LRRTM4: variants seen among roughly 807,000 people sequenced by gnomAD.
LRRTM4 encodes leucine rich repeat transmembrane neuronal 4, also known as leucine-rich repeat transmembrane neuronal protein 4.
LRRTM4 carries 25 observed loss-of-function variants against 47.6 expected under a neutral mutation model. The observed-to-expected ratio is 0.53, with a 90% CI of 0.38 to 0.73. LRRTM4 has a LOEUF of 0.73. LRRTM4 is among the 30% of genes least tolerant of loss of function. LRRTM4 has a pLI of 0.00. For synonymous variants in LRRTM4, 311 were observed against 269.5 expected (o/e 1.15, Z -1.51); for missense variants, 638 against 713.4 (o/e 0.89, Z 1.20).
chr2:77,122,293 A>G (rs971285578), intron 3 of LRRTM4, among the ~76,000 whole-genome samples: 28 of 151,624 alleles, frequency 1.8e-4, no homozygotes, highest in African/African-American at 6.3e-4. Flanking sequence ...GAATATTTGT[A>G]TAGCATAAAA....
Position 77,102,310 on chromosome 2 carries a change from A to G in LRRTM4, c.1552-353394T>C, listed in dbSNP as rs537831134. On this transcript the variant is annotated intron_variant, in intron 3 of 3. Transcript: ENST00000409884. ...TCCCCATTCCTCTGCTTCCACATCC[A>G]AGCACTGTACTAGTGGATTCCCACC... is the stretch of plus-strand genomic sequence containing the variant. 2.6e-5 allele frequency among the ~76,000 whole-genome samples: 4 copies of G among 152,166 alleles called. No individual in the cohort carries two copies. The South Asian group carries it at 8.3e-4, about 32-fold the overall frequency.
intron 3 of LRRTM4, among the ~76,000 whole-genome samples, chr2:76,891,889 A>T (rs1201515446): frequency 2.0e-5 from 3 of 151,870 alleles, no homozygotes; most frequent in Admixed American, 6.6e-5. Context: ...ATGACAAAAA[A>T]TGGCAAAAGT....
chr2:77,179,327 G>T (rs904244486), intron 3 of LRRTM4, among the ~76,000 whole-genome samples: 1 of 152,150 alleles, frequency 6.6e-6, no homozygotes, highest in East Asian at 1.9e-4. Context: ...ATTTGGCATT[G>T]TACCTAACAG....
chr2:77,517,727 C>G, intron 3 of LRRTM4: 1 of 984,458 alleles, frequency 1.0e-6, no homozygotes, highest in Non-Finnish European at 1.2e-6. Flanking sequence ...CCTTAGGAGC[C>G]TGATACAATT....
intron 3 of LRRTM4, among the ~76,000 whole-genome samples, chr2:77,494,588 ATT>A (rs34983876): frequency 1.1e-4 from 16 of 148,740 alleles, no homozygotes; most frequent in African/African-American, 4.0e-4. Context: ...TGCTTTTCCC[ATT>A]TTTTTTTTAT....
chr2:77,140,895 A>G (rs1672101532), intron 3 of LRRTM4, among the ~76,000 whole-genome samples: 1 of 152,256 alleles, frequency 6.6e-6, no homozygotes, highest in Non-Finnish European at 1.5e-5. Flanking sequence ...TGGCCATCAG[A>G]GAAATGAAAA....
In LRRTM4 at chr2:77,421,482, C is replaced by G. The variant is rs555753197; in HGVS notation, c.1551+96836G>C. The stretch of plus-strand genomic sequence containing the variant: ...CAGCACTTCGGGAGGCCGAGGCGGG[C>G]GGATCACGAAGTCAGGAGATCGAGA... On this transcript the variant is annotated intron_variant, in intron 3 of 3. Transcript: ENST00000409884. Among the ~76,000 whole-genome samples the G allele has an allele frequency of 5.8e-3, 881 of 152,058 alleles. 9 individuals carry two copies. The highest frequency in any genetic ancestry group is 0.02 in the African/African-American group (849 of 41,476).
At chr2:76,874,017 T>C (rs1167073815) in intron 3 of LRRTM4, among the ~76,000 whole-genome samples, 1 of 152,000 alleles carries the variant, frequency 6.6e-6, no homozygotes, top group Non-Finnish European at 1.5e-5. Flanking sequence ...AAGTTCTTGA[T>C]AGCAATCAAA....
chr2:77,298,888 C>T lies in LRRTM4; in HGVS notation c.1551+219430G>A, dbSNP rs78110445. Among the ~76,000 whole-genome samples, 182 of 152,190 alleles carry T rather than the reference C, an allele frequency of 1.2e-3. 1 individual carries two copies. The highest frequency in any genetic ancestry group is 4.1e-3 in the African/African-American group (172 of 41,530). Reference sequence around the variant, plus strand: ...TGATAGCTTAAATTATTTTTTCTTACTACTAACTGTAATTCTAACCTCCTA... The same window carrying T: ...TGATAGCTTAAATTATTTTTTCTTATTACTAACTGTAATTCTAACCTCCTA... On this transcript the variant is annotated intron_variant, in intron 3 of 3. Coordinates refer to ENST00000409884, the MANE Select transcript of LRRTM4 (RefSeq NM_001134745.3).
At chr2:77,241,132 A>T (rs1168019661) in intron 3 of LRRTM4, among the ~76,000 whole-genome samples, 1 of 151,826 alleles carries the variant, frequency 6.6e-6, no homozygotes, top group Non-Finnish European at 1.5e-5. Flanking sequence ...AAGTTGGAGG[A>T]CTCAGATGAC....
At chr2:76,772,975 C>T (rs1381980649) in intron 3 of LRRTM4, 2 of 152,076 alleles carry the variant, frequency 1.3e-5, no homozygotes, top group Admixed American at 6.6e-5. Context: ...CAGGGTAGGG[C>T]CTGTTTAGTA....
chr2:76,778,665 G>C (rs1157997628), intron 3 of LRRTM4, among the ~76,000 whole-genome samples: 1 of 151,312 alleles, frequency 6.6e-6, no homozygotes, highest in Non-Finnish European at 1.5e-5. Context: ...TTCTTTATTA[G>C]TCTTGCTAGC....
chr2:77,433,341 T>C (rs1345121603), intron 3 of LRRTM4, among the ~76,000 whole-genome samples: 1 of 152,108 alleles, frequency 6.6e-6, no homozygotes, highest in Non-Finnish European at 1.5e-5. Flanking sequence ...GAAGATATGA[T>C]GTGCAGGGAG....
intron 3 of LRRTM4, among the ~76,000 whole-genome samples, chr2:77,390,055 G>A (rs1056521034): frequency 6.6e-5 from 10 of 152,048 alleles, no homozygotes; most frequent in Non-Finnish European, 5.9e-5. Flanking sequence ...AGAACATATG[G>A]CCACCTTGTC....
chr2:76,939,119 T>C (rs1675049629), intron 3 of LRRTM4, among the ~76,000 whole-genome samples: 1 of 151,318 alleles, frequency 6.6e-6, no homozygotes, highest in Non-Finnish European at 1.5e-5. Flanking sequence ...AATAATACTT[T>C]TTAGCAATTT....
At chr2:77,512,625 G>T (rs1679064023) in intron 3 of LRRTM4, among the ~76,000 whole-genome samples, 1 of 152,114 alleles carries the variant, frequency 6.6e-6, no homozygotes, top group Non-Finnish European at 1.5e-5. Flanking sequence ...AAATTCAGAT[G>T]AGTCACCAAG....
intron 3 of LRRTM4, among the ~76,000 whole-genome samples, chr2:77,089,189 C>T (rs879379847): frequency 4.2e-5 from 6 of 143,826 alleles, no homozygotes; most frequent in South Asian, 4.5e-4. Context: ...CTTGTCTCTA[C>T]CCCTTCTCTG....
intron 3 of LRRTM4, among the ~76,000 whole-genome samples, chr2:77,261,127 T>C (rs1003353897): frequency 3.9e-5 from 6 of 151,988 alleles, no homozygotes; most frequent in South Asian, 2.1e-4. Context: ...CAGCACAGAA[T>C]ATTAAGCAGA....
At chr2:76,819,032 T>C (rs1343545070) in intron 3 of LRRTM4, among the ~76,000 whole-genome samples, 3 of 151,914 alleles carry the variant, frequency 2.0e-5, no homozygotes, top group East Asian at 1.9e-4. Flanking sequence ...AGAACAATTA[T>C]TGAAATAAGA....
Sources: allele counts gnomAD v4.1 joint callset (sites outside exome capture counted in the v4.1 genomes callset), GRCh38; gene constraint gnomAD v4.1.1; transcripts MANE v1.5; gene names NCBI Gene and HGNC (gene_info 2026-07-23, HGNC 2026-07-21).